Variants in FREM3 observed in about 807,000 individuals in gnomAD.
The protein encoded by FREM3 is FRAS1-related extracellular matrix protein 3.
In FREM3, 105 loss-of-function variants were observed where a neutral mutation model predicts 129.1. That is an observed-to-expected ratio of 0.81 (90% CI 0.69 to 0.96). The LOEUF is 0.96. Among genes scored for constraint, FREM3 ranks in the 40% least tolerant of loss-of-function variants. The pLI is 0.00. For missense variants in FREM3, 2,593 were observed against 2,666.3 expected (o/e 0.97, Z 0.61); for synonymous variants, 1,014 against 1,044.9 (o/e 0.97, Z 0.57).
At chr4:143,611,661 C>T in intron 5 of FREM3, 134 bp from the exon 6 acceptor site, 1 of 753,898 alleles carries the variant, frequency 1.3e-6, no homozygotes. Context: ...CTTATGCTCA[C>T]AAATAGTAAT....
chr4:143,623,786 T>C (rs1286461558), intron 4 of FREM3, among the ~76,000 whole-genome samples: 1 of 152,064 alleles, frequency 6.6e-6, no homozygotes, highest in Non-Finnish European at 1.5e-5. Context: ...ATGGTGGCCC[T>C]GAAATGAGCC....
chr4:143,687,230 G>A (rs546714914), intron 2 of FREM3, among the ~76,000 whole-genome samples: 74 of 151,934 alleles, frequency 4.9e-4, no homozygotes, highest in Non-Finnish European at 7.9e-4. Flanking sequence ...CTTTACTCAC[G>A]TAACTAGAAA....
In FREM3 at chr4:143,689,922, G is replaced by A. The variant is rs538232826; in HGVS notation, c.5275+3191C>T. Among the ~76,000 whole-genome samples, 9 of 151,188 alleles carry A rather than the reference G, an allele frequency of 6.0e-5. No individual in the cohort carries two copies. The South Asian group carries it at 1.0e-3, about 18-fold the overall frequency. Reference sequence around the variant, plus strand: ...GGGCAAAAAATAGTATATACTGCTCGGGTGATGGGTACATGAACATCTCAC... The same window carrying A: ...GGGCAAAAAATAGTATATACTGCTCAGGTGATGGGTACATGAACATCTCAC... On this transcript the variant is annotated intron_variant, in intron 2 of 7. Transcript: ENST00000329798.
Position 143,700,632 on chromosome 4 carries a change from A to G in FREM3, c.44T>C (p.Leu15Pro). The stretch of plus-strand genomic sequence containing the variant: ...GAGCAGGCAGGCGAGCGCCACAAGG[A>G]GCTGCCGGGGCGTCCCAGTCGGGTG... ...SRHPTGTPRQ[L>P]LVALACLLLS... The change falls in exon 1 of 8, where the codon CTC (leucine) becomes CCC (proline). Residue 15 changes from leucine (L) to proline (P), a missense_variant. Coordinates refer to ENST00000329798, the MANE Select transcript of FREM3 (RefSeq NM_001168235.2). 1 of 1,441,864 alleles carries G rather than the reference A, an allele frequency of 6.9e-7. No homozygotes were observed. 89.3% of individuals were successfully genotyped at this position (1,441,864 alleles called of 1,614,324 possible). A position where few individuals can be genotyped will look rare whatever the true frequency, so the allele number is the denominator to read the frequency against.
intron 6 of FREM3, among the ~76,000 whole-genome samples, chr4:143,600,603 T>G (rs1214030370): frequency 1.3e-5 from 2 of 152,226 alleles, no homozygotes; most frequent in African/African-American, 4.8e-5. Context: ...CAGCATAATG[T>G]GTCTAACAGT....
Position 143,624,271 on chromosome 4 carries a change from G to A in FREM3, c.5490C>T (p.Ile1830=). ...CTGTAGTCTGTCCAGGATTGAACTG[G>A]ATCTGTTTATTGGTCTTCCATTTGA... ...KDFKWKTNKQ[I]QFNPGQTTAT... The change falls in exon 4 of 8, where the codon ATC becomes ATT. Residue 1830 remains isoleucine (I), a synonymous_variant. Transcript: ENST00000329798. 6.5e-7 allele frequency: 1 copy of A among 1,536,970 alleles called. No individual in the cohort carries two copies. The highest frequency in any genetic ancestry group is 2.0e-5 in the Admixed American group (1 of 50,976).
intron 2 of FREM3, among the ~76,000 whole-genome samples, chr4:143,628,550 T>A (rs1017930276): frequency 1.3e-5 from 2 of 152,164 alleles, no homozygotes; most frequent in African/African-American, 4.8e-5. Context: ...AGATACCAGA[T>A]ACCAAAGTGA....
At chr4:143,627,807 G>C in intron 2 of FREM3, 47 bp from the exon 3 acceptor site, 1 of 1,312,316 alleles carries the variant, frequency 7.6e-7, no homozygotes, top group Non-Finnish European at 1.1e-6. Context: ...GTATTTGATG[G>C]CAATATTCAA....
At position 143,696,679 on chromosome 4, in the gene FREM3, T is replaced by C. The variant is rs1021807024; in HGVS notation, c.3997A>G (p.Thr1333Ala). The C allele has an allele frequency of 5.2e-6, 8 of 1,537,774 alleles. No individual in the cohort carries two copies. Among genetic ancestry groups the C allele is most frequent in the African/African-American group, 1.4e-5 (1 of 73,042 alleles). Residue 1333 changes from threonine (T) to alanine (A), a missense_variant, in exon 1 of 8, where the codon ACA becomes GCA. By Grantham distance (58) the Thr-to-Ala change is moderately conservative. This residue lies in a region of FREM3 where 2,276 missense variants were observed against 2,267.2 expected (regional missense o/e 1.00). Coordinates refer to ENST00000329798, the MANE Select transcript of FREM3 (RefSeq NM_001168235.2). Reference sequence around the variant, plus strand: ...CTTTTATCATCTGAGTCAAGATCTGTGGCCTTGAGGATCCGATTTGTGATG... The same window carrying C: ...CTTTTATCATCTGAGTCAAGATCTGCGGCCTTGAGGATCCGATTTGTGATG... ...EIITNRILKA[T>A]DLDSDDKSLS...
In FREM3 at chr4:143,619,775, GC is replaced by G. The variant is rs578219704; in HGVS notation, c.5779+1261del. 7.9e-3 allele frequency among the ~76,000 whole-genome samples: 1,200 copies of G among 152,124 alleles called. 9 individuals are homozygous for G. Among genetic ancestry groups the G allele is most frequent in the South Asian group, 0.027 (132 of 4,824 alleles). On this transcript the variant is annotated intron_variant, in intron 5 of 7. Coordinates refer to ENST00000329798, the MANE Select transcript of FREM3 (RefSeq NM_001168235.2). Reference sequence around the variant, plus strand: ...GCTGTGTTTTGCTGGGGACCTCAAGGCCCTACTATTAAAGTTTCCATCTGCC... The same window carrying G: ...GCTGTGTTTTGCTGGGGACCTCAAGGCCTACTATTAAAGTTTCCATCTGCC...
At chr4:143,651,549 C>T (rs1170618180) in intron 2 of FREM3, among the ~76,000 whole-genome samples, 3 of 152,196 alleles carry the variant, frequency 2.0e-5, no homozygotes, top group East Asian at 1.9e-4. Flanking sequence ...AATTCATTTG[C>T]ACTATCTGCT....
In FREM3 at chr4:143,698,894, C is replaced by T. The variant is rs1351809778; in HGVS notation, c.1782G>A (p.Glu594=). ...ENQPLKGNEE[E]PQWELAPGSS... ...AACCAGGGGCCAACTCCCACTGAGG[C>T]TCTTCCTCATTTCCTTTTAGGGGCT... Residue 594 remains glutamate (E), a synonymous_variant, in exon 1 of 8, where the codon GAG becomes GAA. Coordinates refer to ENST00000329798, the MANE Select transcript of FREM3 (RefSeq NM_001168235.2). The T allele has an allele frequency of 1.7e-5, 26 of 1,537,416 alleles. No homozygotes were observed. The Admixed American group carries it at 4.9e-4, about 29-fold the overall frequency.
At chr4:143,595,357 T>C (rs746096646) in intron 6 of FREM3, among the ~76,000 whole-genome samples, 1 of 152,220 alleles carries the variant, frequency 6.6e-6, no homozygotes, top group Non-Finnish European at 1.5e-5. Flanking sequence ...TGGTCAGTAT[T>C]GGTTCTGTAA....
intron 2 of FREM3, among the ~76,000 whole-genome samples, chr4:143,691,396 C>T (rs1040094498): frequency 4.7e-5 from 7 of 149,042 alleles, no homozygotes; most frequent in Non-Finnish European, 8.9e-5. Flanking sequence ...CCACCTGTAC[C>T]ACCAAAAACT....
intron 5 of FREM3, among the ~76,000 whole-genome samples, chr4:143,620,106 A>T (rs1347431972): frequency 6.6e-6 from 1 of 152,190 alleles, no homozygotes; most frequent in Non-Finnish European, 1.5e-5. Context: ...GTCAAGACTT[A>T]CTAAATAACT....
In FREM3 at chr4:143,611,386, T is replaced by C. The variant is rs1456387342; in HGVS notation, c.5921A>G (p.Tyr1974Cys). ...AACGCTGAAGGATTCCTCCTCTTCA[T>C]AAAGGGAGTCATCAATGATCAGGAC... ...CQVLIIDDSL[Y>C]EEEESFSVSL... Residue 1974 changes from tyrosine to cysteine, a missense_variant, in exon 6 of 8, where the codon TAT (tyrosine) becomes TGT (cysteine). By Grantham distance (194) the Tyr-to-Cys change is radical. Coordinates refer to ENST00000329798, the MANE Select transcript of FREM3 (RefSeq NM_001168235.2). 17 of 1,537,052 alleles carry C rather than the reference T, an allele frequency of 1.1e-5. No individual in the cohort carries two copies. The highest frequency in any genetic ancestry group is 1.4e-5 in the Non-Finnish European group (16 of 1,146,854).
intron 2 of FREM3, among the ~76,000 whole-genome samples, chr4:143,655,945 C>T (rs1449637641): frequency 6.6e-6 from 1 of 152,138 alleles, no homozygotes; most frequent in African/African-American, 2.4e-5. Flanking sequence ...AGTTTTCCCA[C>T]ACTCCCTAGC....
At chr4:143,682,428 G>T (rs1740270537) in intron 2 of FREM3, among the ~76,000 whole-genome samples, 2 of 152,098 alleles carry the variant, frequency 1.3e-5, no homozygotes, top group African/African-American at 4.8e-5. Flanking sequence ...ACTGATTGCG[G>T]GCTACCACTT....
At chr4:143,679,635 A>G (rs909058167) in intron 2 of FREM3, among the ~76,000 whole-genome samples, 3 of 152,228 alleles carry the variant, frequency 2.0e-5, no homozygotes, top group African/African-American at 7.2e-5. Flanking sequence ...CTCTGCAGCA[A>G]TTTCCTATAT....
Sources: gnomAD v4.1 joint callset for allele counts (sites outside exome capture counted in the v4.1 genomes callset) on GRCh38, gnomAD v4.1.1 for gene constraint, gnomAD v4.1.1 regional missense constraint, MANE v1.5 for transcripts, NCBI Gene and HGNC (gene_info 2026-07-23, HGNC 2026-07-21) for gene names.